Variants in WDPCP observed in about 807,000 individuals in gnomAD.
The protein encoded by WDPCP is WD repeat containing planar cell polarity effector.
A neutral mutation model predicts 93.1 loss-of-function variants in WDPCP; 71 were observed. The ratio of observed to expected loss-of-function variants is 0.76; its 90% CI spans 0.63 to 0.93. The LOEUF (loss-of-function observed/expected upper bound fraction) is 0.93, where lower values mean the gene tolerates loss of function less well. Among genes scored for constraint, WDPCP ranks in the 40% least tolerant of loss-of-function variants. The pLI, the probability that WDPCP is intolerant of heterozygous loss-of-function variation, is 0.00. For synonymous variants in WDPCP, 315 were observed against 315.0 expected, an observed-to-expected ratio of 1.00 and a Z score of 0.00; for missense variants, 844 against 887.4, an observed-to-expected ratio of 0.95 and a Z score of 0.62.
intron 1 of WDPCP, among the ~76,000 whole-genome samples, chr2:63,584,330 GTTTGAAATCGTGAACAACAGTA>G (rs1212184415): frequency 6.6e-6 from 1 of 151,928 alleles, no homozygotes; most frequent in African/African-American, 2.4e-5. Flanking sequence ...TACCAGATGG[GTTTGAAATCGTGAACAACAGTA>G]TTTGTTGCAA....
intron 1 of WDPCP, among the ~76,000 whole-genome samples, chr2:63,818,008 A>G (rs1197954429): frequency 1.3e-5 from 2 of 152,224 alleles, no homozygotes; most frequent in Non-Finnish European, 1.5e-5. Flanking sequence ...TTGTACTATC[A>G]AAAGTCATCA....
At chr2:63,447,983 C>T (rs1164174292) in intron 6 of WDPCP, among the ~76,000 whole-genome samples, 1 of 151,876 alleles carries the variant, frequency 6.6e-6, no homozygotes, top group Non-Finnish European at 1.5e-5. Flanking sequence ...TTTATGATTA[C>T]CAGAAATCAT....
chr2:63,693,723 C>A (rs1255980005), intron 2 of WDPCP, among the ~76,000 whole-genome samples: 6 of 152,182 alleles, frequency 3.9e-5, no homozygotes, highest in Admixed American at 2.0e-4. Context: ...CTAGAGACTA[C>A]AAGGGCAAGT....
chr2:63,245,132 GCT>G (rs1680171639), intron 14 of WDPCP, among the ~76,000 whole-genome samples: 1 of 152,002 alleles, frequency 6.6e-6, no homozygotes, highest in Non-Finnish European at 1.5e-5. Flanking sequence ...CGCCCCCTCA[GCT>G]GTCATATCTT....
intron 2 of WDPCP, among the ~76,000 whole-genome samples, chr2:63,719,852 G>A (rs1041910829): frequency 2.0e-5 from 3 of 151,996 alleles, no homozygotes; most frequent in East Asian, 3.9e-4. Flanking sequence ...ACCTTAATTA[G>A]CCTTAGAAAT....
intron 2 of WDPCP, among the ~76,000 whole-genome samples, chr2:63,669,080 G>C (rs537777831): frequency 1.3e-5 from 2 of 152,256 alleles, no homozygotes; most frequent in South Asian, 4.1e-4. Context: ...GCTTAGGTCA[G>C]TAACACATCT....
chr2:63,440,052 G>A (rs1402415180), intron 6 of WDPCP, 181 bp from the exon 7 acceptor site: 6 of 583,982 alleles, frequency 1.0e-5, no homozygotes, highest in African/African-American at 1.9e-5. Context: ...AAAGAGAAAG[G>A]TGGCTAAAGG....
Position 63,420,658 on chromosome 2 carries a change from C to A in WDPCP, c.825+13087G>T, listed in dbSNP as rs562494943. On this transcript the variant is annotated intron_variant, in intron 9 of 17. Coordinates refer to ENST00000272321, the MANE Select transcript of WDPCP (RefSeq NM_015910.7). ...AATTTGGTATTTAATCCTATGCATA[C>A]TACTACTTCATCATCAATCAAGAAC... Among the ~76,000 whole-genome samples the A allele has an allele frequency of 2.2e-4, 33 of 152,252 alleles. 1 individual carries two copies. The South Asian group carries it at 6.8e-3, about 32-fold the overall frequency.
intron 2 of WDPCP, chr2:63,711,421 T>C (rs1052751711): frequency 3.9e-5 from 6 of 152,150 alleles, no homozygotes; most frequent in Admixed American, 1.3e-4. Context: ...ATACTTTCCA[T>C]AGTAGTTATA....
chr2:63,383,430 G>C (rs1183136941), intron 10 of WDPCP, among the ~76,000 whole-genome samples: 1 of 152,182 alleles, frequency 6.6e-6, no homozygotes, highest in East Asian at 1.9e-4. Context: ...AATTATAATT[G>C]GTGCCCAGGG....
At chr2:63,230,887 T>C (rs1574937172) in intron 14 of WDPCP, among the ~76,000 whole-genome samples, 3 of 152,308 alleles carry the variant, frequency 2.0e-5, no homozygotes, top group Admixed American at 2.0e-4. Flanking sequence ...GTAGGTTGCC[T>C]GTTCACTCTG....
intron 1 of WDPCP, among the ~76,000 whole-genome samples, chr2:63,550,764 T>C (rs949193837): frequency 7.4e-6 from 1 of 135,156 alleles, no homozygotes; most frequent in Admixed American, 8.0e-5. Flanking sequence ...TATATACACA[T>C]ATATATGTGC....
At chr2:63,426,521 A>G (rs1696310623) in intron 9 of WDPCP, among the ~76,000 whole-genome samples, 1 of 152,240 alleles carries the variant, frequency 6.6e-6, no homozygotes, top group Non-Finnish European at 1.5e-5. Flanking sequence ...TTACCAGTAC[A>G]CCAGCCTTAC....
chr2:63,536,842 T>C (rs1233107565), intron 1 of WDPCP, among the ~76,000 whole-genome samples: 3 of 150,926 alleles, frequency 2.0e-5, no homozygotes, highest in African/African-American at 7.3e-5. Context: ...CTTGGCTCAC[T>C]GCAACCTTCG....
At chr2:63,607,203 T>A (rs868271237) in intron 3 of WDPCP, 2 of 304,098 alleles carry the variant, frequency 6.6e-6, no homozygotes, top group South Asian at 9.7e-5. Context: ...TGAAAGTGAC[T>A]CAGACTCTGT....
In WDPCP at chr2:63,121,134, A is replaced by G. The variant is rs1450052654; in HGVS notation, c.*872T>C. On this transcript the variant is annotated 3_prime_UTR_variant, in exon 18 of 18. Transcript: ENST00000272321. ...TGTAAAGGAGAGGCATTCTGAGTTT[A>G]AAGAACTCAAATCTCATATAAAAGT... is the stretch of plus-strand genomic sequence containing the variant. Among the ~76,000 whole-genome samples, 1 of 152,136 alleles carries G rather than the reference A, an allele frequency of 6.6e-6. No homozygotes were observed. Among genetic ancestry groups the G allele is most frequent in the Non-Finnish European group, 1.5e-5 (1 of 68,020 alleles).
chr2:63,167,948 C>CTACAAAAAA (rs1294534754), intron 15 of WDPCP, among the ~76,000 whole-genome samples: 3 of 151,898 alleles, frequency 2.0e-5, no homozygotes, highest in African/African-American at 7.3e-5. Flanking sequence ...AACGCCATCT[C>CTACAAAAAA]TACAAAAAAT....
chr2:63,292,939 G>A (rs768332961), intron 13 of WDPCP, among the ~76,000 whole-genome samples: 3 of 152,180 alleles, frequency 2.0e-5, no homozygotes, highest in Admixed American at 6.5e-5. Context: ...CAGCTGTATG[G>A]TGGGCAACTG....
At chr2:63,282,830 T>C (rs1683675012) in intron 13 of WDPCP, among the ~76,000 whole-genome samples, 1 of 152,190 alleles carries the variant, frequency 6.6e-6, no homozygotes, top group Non-Finnish European at 1.5e-5. Context: ...CTACTGATAT[T>C]CATGTCCTTT....
Sources: allele counts gnomAD v4.1 joint callset (sites outside exome capture counted in the v4.1 genomes callset), GRCh38; gene constraint gnomAD v4.1.1; transcripts MANE v1.5; gene names NCBI Gene and HGNC (gene_info 2026-07-23, HGNC 2026-07-21).